The following LDB2 variants were observed in gnomAD, a reference collection of about 807,000 sequenced individuals.
LDB2 encodes LIM domain binding 2, also known as LIM domain-binding protein 2.
Under a neutral mutation model 44.3 loss-of-function variants are expected in LDB2, and 12 were observed. That is an observed-to-expected ratio of 0.27 (90% confidence interval 0.17 to 0.44). The LOEUF (loss-of-function observed/expected upper bound fraction) is 0.44, where lower values mean the gene tolerates loss of function less well. Ranked by LOEUF, LDB2 falls within the 20% of genes least tolerant of loss-of-function variation. The probability of loss-of-function intolerance (pLI) is 1.00; values close to 1 mark genes in which losing one functional copy is unlikely to be tolerated. For missense variants in LDB2, 344 were observed against 473.5 expected (o/e 0.73, Z 2.54); for synonymous variants, 164 against 174.8 (o/e 0.94, Z 0.49).
At chr4:16,700,676 C>G (rs918067023) in intron 2 of LDB2, among the ~76,000 whole-genome samples, 4 of 152,122 alleles carry the variant, frequency 2.6e-5, no homozygotes, top group African/African-American at 9.7e-5. Context: ...GATTCTCTGA[C>G]CAGTGTCCCC....
chr4:16,838,629 G>A (rs571895299), intron 1 of LDB2, among the ~76,000 whole-genome samples: 1 of 152,252 alleles, frequency 6.6e-6, no homozygotes, highest in South Asian at 2.1e-4. Flanking sequence ...AGAACACAGT[G>A]GAAGAAGTGT....
At chr4:16,830,516 T>G (rs1332357782) in intron 1 of LDB2, among the ~76,000 whole-genome samples, 2 of 152,220 alleles carry the variant, frequency 1.3e-5, no homozygotes, top group African/African-American at 4.8e-5. Flanking sequence ...AAGAACAGAC[T>G]AATCCACATA....
chr4:16,515,179 A>G (rs1387261818), intron 5 of LDB2, among the ~76,000 whole-genome samples: 4 of 152,356 alleles, frequency 2.6e-5, no homozygotes, highest in African/African-American at 9.6e-5. Flanking sequence ...GTGACTGAAC[A>G]CAAAACCAGA....
chr4:16,750,589 G>A (rs1765303768), intron 2 of LDB2, among the ~76,000 whole-genome samples: 1 of 151,842 alleles, frequency 6.6e-6, no homozygotes, highest in Non-Finnish European at 1.5e-5. Flanking sequence ...TTGTATCATG[G>A]GTCATGCTCA....
At chr4:16,739,831 G>A (rs989534666) in intron 2 of LDB2, among the ~76,000 whole-genome samples, 8 of 144,968 alleles carry the variant, frequency 5.5e-5, no homozygotes, top group South Asian at 2.2e-4. Flanking sequence ...AATTATAATC[G>A]CAATATAAAA....
chr4:16,695,917 A>G (rs1228003197), intron 2 of LDB2, among the ~76,000 whole-genome samples: 4 of 152,216 alleles, frequency 2.6e-5, no homozygotes, highest in Admixed American at 6.5e-5. Flanking sequence ...GCTTCAGGCT[A>G]TAGTTTCCCA....
rs181072550 is a variant in LDB2 at position 16,516,008 on chromosome 4, C to T, written c.616-3904G>A. Among the ~76,000 whole-genome samples the T allele has an allele frequency of 9.6e-3, 1,455 of 152,148 alleles. 8 individuals are homozygous for T. Among genetic ancestry groups the T allele is most frequent in the Non-Finnish European group, 0.015 (1,034 of 67,990 alleles). On this transcript the variant is annotated intron_variant, in intron 5 of 7. Coordinates refer to ENST00000304523, the MANE Select transcript of LDB2 (RefSeq NM_001290.5). Reference sequence around the variant, plus strand: ...CCTCCTGAGTAGCTGAGACTACAGGCGCCCGCCACCACGCCCAGCTAATTT... The same window carrying T: ...CCTCCTGAGTAGCTGAGACTACAGGTGCCCGCCACCACGCCCAGCTAATTT...
chr4:16,504,391 C>T (rs1210587593), intron 7 of LDB2, among the ~76,000 whole-genome samples: 1 of 152,160 alleles, frequency 6.6e-6, no homozygotes, highest in African/African-American at 2.4e-5. Context: ...GGTTTCCAAA[C>T]TATGTTTTCT....
intron 1 of LDB2, among the ~76,000 whole-genome samples, chr4:16,812,128 C>T (rs992282010): frequency 1.3e-5 from 2 of 152,130 alleles, no homozygotes; most frequent in Admixed American, 6.5e-5. Flanking sequence ...AGGTTTAGCA[C>T]ATTGATATTA....
At chr4:16,706,921 G>C (rs574002483) in intron 2 of LDB2, among the ~76,000 whole-genome samples, 1 of 152,112 alleles carries the variant, frequency 6.6e-6, no homozygotes, top group African/African-American at 2.4e-5. Context: ...CATAGCCTTT[G>C]TTCCATCTAC....
intron 1 of LDB2, among the ~76,000 whole-genome samples, chr4:16,807,941 A>G (rs1779090688): frequency 6.6e-6 from 1 of 152,208 alleles, no homozygotes; most frequent in African/African-American, 2.4e-5. Flanking sequence ...TAAATATTTA[A>G]ATAAGGAGAA....
intron 2 of LDB2, among the ~76,000 whole-genome samples, chr4:16,755,705 C>A (rs1561115779): frequency 6.6e-6 from 1 of 152,132 alleles, no homozygotes; most frequent in African/African-American, 2.4e-5. Flanking sequence ...GACCTGCTGC[C>A]AGGGAATTGT....
At chr4:16,632,349 G>A (rs1732206724) in intron 2 of LDB2, among the ~76,000 whole-genome samples, 1 of 152,150 alleles carries the variant, frequency 6.6e-6, no homozygotes, top group Admixed American at 6.5e-5. Context: ...TATCTCAATA[G>A]ATGCAGAAAA....
rs7663665 is a variant in LDB2 at position 16,725,262 on chromosome 4, G to A, written c.235+33896C>T. On this transcript the variant is annotated intron_variant, in intron 2 of 7. Transcript: ENST00000304523. The stretch of plus-strand genomic sequence containing the variant: ...CAAGTTCACACACACACACACACAC[G>A]CACACACACGCACATATATACATCT... Among the ~76,000 whole-genome samples the A allele has an allele frequency of 9.1e-3, 1,378 of 150,698 alleles. 22 individuals are homozygous for A. The highest frequency in any genetic ancestry group is 0.031 in the African/African-American group (1,277 of 41,062).
chr4:16,819,092 TTGTGTGTGTGTGTGTG>T (rs34553159), intron 1 of LDB2, among the ~76,000 whole-genome samples: 2 of 148,962 alleles, frequency 1.3e-5, no homozygotes, highest in Admixed American at 6.7e-5. Context: ...TTGTGGTTGC[TTGTGTGTGTGTGTGTG>T]TGTGTGTGTG....
intron 1 of LDB2, among the ~76,000 whole-genome samples, chr4:16,886,756 G>T (rs1167935328): frequency 6.6e-6 from 1 of 151,964 alleles, no homozygotes; most frequent in Non-Finnish European, 1.5e-5. Flanking sequence ...GTTTTGGCTG[G>T]GCACGGTGGC....
At chr4:16,863,958 C>A (rs1048151032) in intron 1 of LDB2, among the ~76,000 whole-genome samples, 6 of 152,226 alleles carry the variant, frequency 3.9e-5, no homozygotes, top group Admixed American at 6.5e-5. Flanking sequence ...CCGCGCCTGG[C>A]ACATTCTCTT....
rs149750985 is a variant in LDB2, at chr4:16,539,356, G to A, written c.616-27252C>T. ...TGTTTGGGAAATCATCAAAAATTCA[G>A]CAAGTTTGGAGTTCATGGTACTTCA... is the stretch of plus-strand genomic sequence containing the variant. On this transcript the variant is annotated intron_variant, in intron 5 of 7. Coordinates refer to ENST00000304523, the MANE Select transcript of LDB2 (RefSeq NM_001290.5). Among the ~76,000 whole-genome samples the A allele has an allele frequency of 5.7e-3, 871 of 152,264 alleles. 10 individuals carry two copies. Among genetic ancestry groups the A allele is most frequent in the African/African-American group, 0.02 (831 of 41,564 alleles).
At chr4:16,589,683 G>T (rs141863554) in intron 3 of LDB2, among the ~76,000 whole-genome samples, 1 of 151,972 alleles carries the variant, frequency 6.6e-6, no homozygotes, top group East Asian at 1.9e-4. Context: ...ATCACGAACC[G>T]CTGAGCCTAT....
Sources: gnomAD v4.1 joint callset for allele counts (sites outside exome capture counted in the v4.1 genomes callset) on GRCh38, gnomAD v4.1.1 for gene constraint, MANE v1.5 for transcripts, NCBI Gene and HGNC (gene_info 2026-07-23, HGNC 2026-07-21) for gene names.